Variants in VPS13D observed in about 807,000 individuals in gnomAD.
VPS13D encodes the protein intermembrane lipid transfer protein VPS13D.
VPS13D carries 187 observed loss-of-function variants against 461.9 expected under a neutral mutation model. The observed-to-expected ratio is 0.40, with a 90% CI of 0.36 to 0.46. The LOEUF (loss-of-function observed/expected upper bound fraction) is 0.46. Ranked by LOEUF, VPS13D falls within the 20% of genes least tolerant of loss-of-function variation. The pLI is 0.60. For missense variants in VPS13D, 4,711 were observed against 5,364.9 expected, an observed-to-expected ratio of 0.88 and a Z score of 3.81; for synonymous variants, 1,951 against 1,986.3, an observed-to-expected ratio of 0.98 and a Z score of 0.47.
At chr1:12,463,617 G>A (rs773828009) in intron 67 of VPS13D, among the ~76,000 whole-genome samples, 5 of 151,998 alleles carry the variant, frequency 3.3e-5, no homozygotes, top group South Asian at 2.1e-4. Context: ...ATATGGTGGC[G>A]GGTGGTGTGC....
chr1:12,335,326 C>A (rs898233261), intron 38 of VPS13D, among the ~76,000 whole-genome samples: 3 of 152,166 alleles, frequency 2.0e-5, no homozygotes, highest in African/African-American at 4.8e-5. Flanking sequence ...CTGAGCCTCC[C>A]GAAGTGCTGA....
At position 12,502,099 on chromosome 1, in the gene VPS13D, G is replaced by A. The variant is rs1646043093; in HGVS notation, c.12794+4468G>A. 6.6e-6 allele frequency among the ~76,000 whole-genome samples: 1 copy of A among 152,188 alleles called. No individual in the cohort carries two copies. Among genetic ancestry groups the A allele is most frequent in the Non-Finnish European group, 1.5e-5 (1 of 68,020 alleles). On this transcript the variant is annotated intron_variant, in intron 68 of 69. Coordinates refer to ENST00000620676, the MANE Select transcript of VPS13D (RefSeq NM_015378.4). This position sits in a 1 kb window ranked among gnomAD's most constrained non-coding sequence, Gnocchi z 4.3. Reference sequence around the variant, plus strand: ...GCCGAGGAGCTTGCCTCTCCTGTAGGTGGGAGTGAGATTGTGAGGAAGAGG... The same window carrying A: ...GCCGAGGAGCTTGCCTCTCCTGTAGATGGGAGTGAGATTGTGAGGAAGAGG...
intron 52 of VPS13D, among the ~76,000 whole-genome samples, chr1:12,363,722 A>G (rs570760721): frequency 6.6e-6 from 1 of 152,218 alleles, no homozygotes; most frequent in African/African-American, 2.4e-5. Flanking sequence ...TGGGAGGCCG[A>G]GGCAGGCGGA....
At position 12,505,222 on chromosome 1, in the gene VPS13D, T is replaced by G. The variant is rs1570301237; in HGVS notation, c.12795-1631T>G. On this transcript the variant is annotated intron_variant, in intron 68 of 69. Coordinates refer to ENST00000620676, the MANE Select transcript of VPS13D (RefSeq NM_015378.4). This position sits in a 1 kb window ranked among gnomAD's most constrained non-coding sequence, Gnocchi z 4.2. ...CACCTCTTCTCTGTGTCAGGATCAT[T>G]TTTATCCCTCTCTGTCTGTCTTTCT... Among the ~76,000 whole-genome samples, 1 of 152,270 alleles carries G rather than the reference T, an allele frequency of 6.6e-6. No individual in the cohort carries two copies. Among genetic ancestry groups the G allele is most frequent in the East Asian group, 1.9e-4 (1 of 5,182 alleles).
At chr1:12,302,340 G>A (rs1016997103) in intron 25 of VPS13D, among the ~76,000 whole-genome samples, 5 of 152,146 alleles carry the variant, frequency 3.3e-5, no homozygotes, top group Non-Finnish European at 4.4e-5. Flanking sequence ...AAGTTCACCA[G>A]GACCATTTTT....
chr1:12,296,372 A>G (rs773072420), intron 24 of VPS13D, among the ~76,000 whole-genome samples: 4 of 152,258 alleles, frequency 2.6e-5, no homozygotes, highest in Non-Finnish European at 5.9e-5. Flanking sequence ...TATTACATTT[A>G]TGGTCTGCAT....
At chr1:12,481,693 T>C (rs1349267118) in intron 67 of VPS13D, among the ~76,000 whole-genome samples, 1 of 152,234 alleles carries the variant, frequency 6.6e-6, no homozygotes, top group Non-Finnish European at 1.5e-5. Flanking sequence ...AAAGCAAAGT[T>C]GATTTGGTCT....
chr1:12,468,301 C>T (rs567014673), intron 67 of VPS13D, among the ~76,000 whole-genome samples: 7 of 152,178 alleles, frequency 4.6e-5, no homozygotes, highest in Non-Finnish European at 8.8e-5. Context: ...TGTGGAACTC[C>T]TCTGTAAAGG....
At chr1:12,466,575 T>C (rs1645485889) in intron 67 of VPS13D, among the ~76,000 whole-genome samples, 1 of 152,238 alleles carries the variant, frequency 6.6e-6, no homozygotes, top group Non-Finnish European at 1.5e-5. Flanking sequence ...TCTGATATGT[T>C]ATCCTGTGGC....
intron 53 of VPS13D, among the ~76,000 whole-genome samples, 156 bp downstream of exon 53, chr1:12,368,747 T>G (rs1644074076): frequency 6.6e-6 from 1 of 152,228 alleles, no homozygotes; most frequent in Non-Finnish European, 1.5e-5. Context: ...TAGAAATCCT[T>G]ACCATTAAGA....
chr1:12,257,178 C>G (rs973614927), intron 9 of VPS13D, 91 bp downstream of exon 9: 2 of 1,153,284 alleles, frequency 1.7e-6, no homozygotes, highest in Non-Finnish European at 2.6e-6. Flanking sequence ...TGTCCTTTAC[C>G]CATGTTTGGA....
At chr1:12,445,568 A>G (rs1234374085) in intron 65 of VPS13D, among the ~76,000 whole-genome samples, 1 of 152,218 alleles carries the variant, frequency 6.6e-6, no homozygotes, top group East Asian at 1.9e-4. Context: ...GGTTGGAATG[A>G]CGACTGAAAG....
At chr1:12,436,708 G>C (rs1645065942) in intron 65 of VPS13D, among the ~76,000 whole-genome samples, 1 of 151,910 alleles carries the variant, frequency 6.6e-6, no homozygotes. Flanking sequence ...TGCTCTTGTT[G>C]CCCAGGCTGG....
Position 12,356,517 on chromosome 1 carries a change from C to G in VPS13D, c.9991C>G (p.Pro3331Ala). ...ATTCTGCTATGCTGACAAAGAGCAG[C>G]CAAACCTGTGAGTACAGTTATTTAT... is the stretch of plus-strand genomic sequence containing the variant. The part of the protein sequence containing the change: ...LLFCYADKEQ[P>A]NLCTMRIGRG... The change falls in exon 49 of 70, where the codon CCA becomes GCA. Residue 3331 changes from proline to alanine, a missense_variant. By Grantham distance (27) the Pro-to-Ala change is conservative (BLOSUM62 -1). Coordinates refer to ENST00000620676, the MANE Select transcript of VPS13D (RefSeq NM_015378.4). 6.2e-7 allele frequency: 1 copy of G among 1,612,920 alleles called. No homozygotes were observed. The highest frequency in any genetic ancestry group is 8.5e-7 in the Non-Finnish European group (1 of 1,179,680).
At chr1:12,482,796 A>G (rs576612425) in intron 67 of VPS13D, among the ~76,000 whole-genome samples, 110 of 138,984 alleles carry the variant, frequency 7.9e-4, no homozygotes, top group South Asian at 2.7e-3. Context: ...ATACATATAT[A>G]TATACTAGTA....
intron 68 of VPS13D, chr1:12,500,339 A>T: frequency 1.6e-6 from 1 of 632,078 alleles, no homozygotes; most frequent in Non-Finnish European, 2.0e-6. Flanking sequence ...TTGAAACAGG[A>T]TCTGGATTAA....
chr1:12,233,078 T>C (rs1196007835), intron 1 of VPS13D, among the ~76,000 whole-genome samples: 1 of 151,946 alleles, frequency 6.6e-6, no homozygotes, highest in Non-Finnish European at 1.5e-5. Flanking sequence ...TGATCTTGGC[T>C]CACTGCAACC....
intron 27 of VPS13D, among the ~76,000 whole-genome samples, chr1:12,310,754 T>A (rs1642713234): frequency 1.3e-5 from 2 of 151,986 alleles, no homozygotes; most frequent in Non-Finnish European, 2.9e-5. Context: ...AGGATTTCCC[T>A]CCCTCCATTT....
chr1:12,340,524 A>C (rs1643545573), intron 40 of VPS13D, among the ~76,000 whole-genome samples: 1 of 152,220 alleles, frequency 6.6e-6, no homozygotes, highest in Non-Finnish European at 1.5e-5. Flanking sequence ...GACTGTTATG[A>C]TACAGTCCCA....
Sources: allele counts gnomAD v4.1 joint callset (sites outside exome capture counted in the v4.1 genomes callset), GRCh38; gene constraint gnomAD v4.1.1; non-coding constraint Gnocchi (gnomAD v3.1); transcripts MANE v1.5; gene names NCBI Gene and HGNC (gene_info 2026-07-23, HGNC 2026-07-21).